SORCS2: variants seen among roughly 807,000 people sequenced by gnomAD.
SORCS2 encodes sortilin related VPS10 domain containing receptor 2.
Under a neutral mutation model 141.6 loss-of-function variants are expected in SORCS2, and 100 were observed. The ratio of observed to expected loss-of-function variants is 0.71; its 90% CI spans 0.60 to 0.83. The LOEUF (loss-of-function observed/expected upper bound fraction) is 0.83. SORCS2 is among the 40% of genes least tolerant of loss of function. The probability of loss-of-function intolerance (pLI) is 0.00; values close to 1 mark genes in which losing one functional copy is unlikely to be tolerated. For synonymous variants in SORCS2, 789 were observed against 676.9 expected (o/e 1.17, Z -2.57); for missense variants, 1,646 against 1,560.2 (o/e 1.05, Z -0.93).
intron 2 of SORCS2, among the ~76,000 whole-genome samples, chr4:7,402,142 T>C (rs2109128903): frequency 6.6e-6 from 1 of 152,262 alleles, no homozygotes; most frequent in South Asian, 2.1e-4. Flanking sequence ...CAGAGCCGAG[T>C]CCAGCTCAAT....
intron 3 of SORCS2, among the ~76,000 whole-genome samples, chr4:7,610,514 C>T (rs1053544427): frequency 6.6e-5 from 10 of 152,124 alleles, no homozygotes; most frequent in Non-Finnish European, 1.2e-4. Context: ...GGGCCGGGGA[C>T]GCAGACGAGC....
At chr4:7,686,806 A>T (rs1723908460) in intron 10 of SORCS2, among the ~76,000 whole-genome samples, 1 of 152,232 alleles carries the variant, frequency 6.6e-6, no homozygotes, top group South Asian at 2.1e-4. Flanking sequence ...TGGCACCTGC[A>T]GCTGCCCCAG....
chr4:7,639,742 T>C (rs554248856), intron 4 of SORCS2, among the ~76,000 whole-genome samples: 6 of 150,562 alleles, frequency 4.0e-5, no homozygotes, highest in African/African-American at 1.5e-4. Context: ...GGTGTGAGAC[T>C]GTGAATGTAT....
At chr4:7,522,374 T>C (rs150840873) in intron 2 of SORCS2, among the ~76,000 whole-genome samples, 48 of 152,364 alleles carry the variant, frequency 3.2e-4, no homozygotes, top group African/African-American at 1.2e-3. Context: ...AGACAGCAAT[T>C]TTCCAACTGC....
At chr4:7,304,979 C>G (rs1717685982) in intron 1 of SORCS2, among the ~76,000 whole-genome samples, 3 of 152,190 alleles carry the variant, frequency 2.0e-5, no homozygotes, top group Middle Eastern at 3.2e-3. Flanking sequence ...GGTGACACCA[C>G]CCTTGCTGTC....
intron 1 of SORCS2, among the ~76,000 whole-genome samples, chr4:7,390,079 G>A (rs993579470): frequency 2.6e-5 from 4 of 152,188 alleles, no homozygotes; most frequent in African/African-American, 7.2e-5. Context: ...GGAGGCCCAC[G>A]GCTGTGCAGC....
At chr4:7,321,907 C>T (rs577523192) in intron 1 of SORCS2, among the ~76,000 whole-genome samples, 1 of 152,178 alleles carries the variant, frequency 6.6e-6, no homozygotes, top group Non-Finnish European at 1.5e-5. Flanking sequence ...TTTACTTTAC[C>T]TGCAAGGGGC....
chr4:7,343,571 A>G (rs1172038166), intron 1 of SORCS2, among the ~76,000 whole-genome samples: 1 of 152,122 alleles, frequency 6.6e-6, no homozygotes, highest in Non-Finnish European at 1.5e-5. Flanking sequence ...TGCAGGCGGG[A>G]AGCTCAGCCA....
intron 2 of SORCS2, among the ~76,000 whole-genome samples, chr4:7,445,746 T>G (rs1371850742): frequency 6.6e-6 from 1 of 152,132 alleles, no homozygotes; most frequent in Non-Finnish European, 1.5e-5. Context: ...TTTGTCAGGG[T>G]TGAGGCAGAC....
At chr4:7,378,796 G>A (rs1722814975) in intron 1 of SORCS2, among the ~76,000 whole-genome samples, 1 of 152,114 alleles carries the variant, frequency 6.6e-6, no homozygotes, top group Admixed American at 6.5e-5. Flanking sequence ...GACCACCGTG[G>A]GCAGCTGAGA....
chr4:7,625,828 A>G (rs181180045), intron 3 of SORCS2, among the ~76,000 whole-genome samples: 69 of 146,372 alleles, frequency 4.7e-4, no homozygotes, highest in African/African-American at 1.6e-3. Flanking sequence ...GAGAGAGGAA[A>G]AGAAAGAGTT....
intron 12 of SORCS2, among the ~76,000 whole-genome samples, chr4:7,699,151 G>T (rs565826624): frequency 2.0e-5 from 3 of 152,188 alleles, no homozygotes; most frequent in Non-Finnish European, 2.9e-5. Flanking sequence ...CTCAGTGTGT[G>T]GGGGAGGCAG....
chr4:7,440,274 A>C (rs565481896), intron 2 of SORCS2, among the ~76,000 whole-genome samples: 21 of 152,192 alleles, frequency 1.4e-4, no homozygotes, highest in Non-Finnish European at 2.6e-4. Flanking sequence ...GGGAACAAAG[A>C]GGGGAGCTCT....
At chr4:7,657,939 C>T (rs1577907171) in intron 5 of SORCS2, among the ~76,000 whole-genome samples, 2 of 146,140 alleles carry the variant, frequency 1.4e-5, no homozygotes, top group African/African-American at 5.1e-5. Context: ...AATAAGTGAC[C>T]GAGTGAGTGG....
At chr4:7,451,777 G>A (rs1728478428) in intron 2 of SORCS2, among the ~76,000 whole-genome samples, 1 of 152,230 alleles carries the variant, frequency 6.6e-6, no homozygotes, top group Non-Finnish European at 1.5e-5. Context: ...CCCCACTGGT[G>A]CAGGATTGCA....
intron 3 of SORCS2, among the ~76,000 whole-genome samples, chr4:7,542,456 C>T (rs1217010462): frequency 6.6e-6 from 1 of 152,030 alleles, no homozygotes; most frequent in Non-Finnish European, 1.5e-5. Flanking sequence ...GACACGAAGA[C>T]ATATGGGGAA....
At chr4:7,225,774 T>C (rs1728956804) in intron 1 of SORCS2, among the ~76,000 whole-genome samples, 1 of 152,192 alleles carries the variant, frequency 6.6e-6, no homozygotes, top group Non-Finnish European at 1.5e-5. Context: ...CTGTGGTGGT[T>C]CTCTGCTGTG....
At chr4:7,429,248 C>T (rs1289505964) in intron 2 of SORCS2, among the ~76,000 whole-genome samples, 1 of 152,116 alleles carries the variant, frequency 6.6e-6, no homozygotes, top group South Asian at 2.1e-4. Context: ...GCGTGGGCTT[C>T]CCTGGTGCTG....
At chr4:7,218,143 C>T (rs977928289) in intron 1 of SORCS2, among the ~76,000 whole-genome samples, 4 of 152,092 alleles carry the variant, frequency 2.6e-5, no homozygotes, top group African/African-American at 9.7e-5. Context: ...TGGAGGTTTC[C>T]GAGTGGGCGG....
Sources: allele counts gnomAD v4.1 joint callset (sites outside exome capture counted in the v4.1 genomes callset), GRCh38; gene constraint gnomAD v4.1.1; transcripts MANE v1.5; gene names NCBI Gene and HGNC (gene_info 2026-07-23, HGNC 2026-07-21).